KLRB1: variants seen among roughly 807,000 people sequenced by gnomAD.
The protein encoded by KLRB1 is killer cell lectin like receptor B1, also known as killer cell lectin-like receptor subfamily B member 1.
In KLRB1, 27 loss-of-function variants were observed where a neutral mutation model predicts 33.5. The observed-to-expected ratio is 0.81, with a 90% confidence interval of 0.59 to 1.11. The LOEUF is 1.11. KLRB1 is among the 50% of genes most tolerant of loss of function. The probability of loss-of-function intolerance (pLI) is 0.00; values close to 1 mark genes in which losing one functional copy is unlikely to be tolerated. For missense variants in KLRB1, 241 were observed against 254.1 expected, an observed-to-expected ratio of 0.95 and a Z score of 0.35; for synonymous variants, 64 against 88.9, an observed-to-expected ratio of 0.72 and a Z score of 1.58.
rs747037091 is a variant in KLRB1, at chr12:9,598,068, C to T, written c.508G>A (p.Gly170Ser). 40 of 1,545,780 alleles carry T rather than the reference C, an allele frequency of 2.6e-5. No individual in the cohort carries two copies. The highest frequency in any genetic ancestry group is 4.5e-5 in the East Asian group (2 of 44,172). ...CACTCATTAGAATTTAAAAAAGAGC[C>T]GTTTATCCACTTCCAGTTCTTTTCT... ...LSEKNWKWIN[G>S]SFLNSNDLEI... The change falls in exon 5 of 6, where the codon GGC (glycine) becomes AGC (serine). Residue 170 changes from glycine (G) to serine (S), a missense_variant. Physicochemically the swap from Gly to Ser is moderately conservative, Grantham distance 56 (BLOSUM62 0). Coordinates refer to ENST00000229402, the MANE Select transcript of KLRB1 (RefSeq NM_002258.3).
intron 1 of KLRB1, among the ~76,000 whole-genome samples, chr12:9,602,699 G>A (rs1864558456): frequency 6.6e-6 from 1 of 151,966 alleles, no homozygotes; most frequent in African/African-American, 2.4e-5. Context: ...TTTATCTGAA[G>A]CTATTGATTT....
At chr12:9,602,214 C>T (rs1311974067) in intron 1 of KLRB1, among the ~76,000 whole-genome samples, 2 of 152,208 alleles carry the variant, frequency 1.3e-5, no homozygotes, top group African/African-American at 4.8e-5. Context: ...TATAACATAA[C>T]ATGCGCTTAT....
intron 1 of KLRB1, among the ~76,000 whole-genome samples, chr12:9,607,388 C>CTTTCTTTCTTTCTTTCTTTCTTTCTTTT: frequency 1.2e-5 from 1 of 86,798 alleles, no homozygotes; most frequent in Non-Finnish European, 2.5e-5. Context: ...TTCTTTCTTT[C>CTTTCTTTCTTTCTTTCTTTCTTTCTTTT]TTTCTTTCTT....
chr12:9,604,595 T>C (rs757208362), intron 1 of KLRB1, among the ~76,000 whole-genome samples: 1 of 152,160 alleles, frequency 6.6e-6, no homozygotes, highest in Non-Finnish European at 1.5e-5. Flanking sequence ...TTTGCACTTG[T>C]TGGTCACCTT....
chr12:9,603,337 C>T (rs1191036687), intron 1 of KLRB1, among the ~76,000 whole-genome samples: 3 of 152,194 alleles, frequency 2.0e-5, no homozygotes, highest in Non-Finnish European at 4.4e-5. Flanking sequence ...CTCTTCTCTT[C>T]CCCACCGTTT....
chr12:9,606,014 TA>T (rs57043528), intron 1 of KLRB1, among the ~76,000 whole-genome samples: 2 of 151,286 alleles, frequency 1.3e-5, no homozygotes, highest in East Asian at 1.9e-4. Flanking sequence ...CTCTTTTCTT[TA>T]AAAAAAAATG....
chr12:9,605,682 G>A (rs796545537), intron 1 of KLRB1, among the ~76,000 whole-genome samples: 2 of 152,142 alleles, frequency 1.3e-5, no homozygotes, highest in South Asian at 2.1e-4. Context: ...CACAATCACC[G>A]TGCTTGCTAC....
At chr12:9,606,754 ATATATATTTT>A (rs1864609007) in intron 1 of KLRB1, among the ~76,000 whole-genome samples, 2 of 25,418 alleles carry the variant, frequency 7.9e-5, no homozygotes, top group African/African-American at 1.4e-4. Flanking sequence ...ATATATATAT[ATATATATTTT>A]TTTTTTTTTT....
At chr12:9,607,335 C>CTTCCTTCGTTTCTTTCTTT (rs1491505010) in intron 1 of KLRB1, among the ~76,000 whole-genome samples, 2 of 65,170 alleles carry the variant, frequency 3.1e-5, no homozygotes, top group African/African-American at 4.2e-5. Flanking sequence ...CTCTTTCTTT[C>CTTCCTTCGTTTCTTTCTTT]CTTTCTTTCT....
At chr12:9,607,284 T>C (rs1240772670) in intron 1 of KLRB1, among the ~76,000 whole-genome samples, 57 of 122,698 alleles carry the variant, frequency 4.6e-4, no homozygotes, top group Non-Finnish European at 8.7e-4. Flanking sequence ...TTCTCTCTCT[T>C]TCTTTTTCTT....
chr12:9,607,247 C>CTCTTT lies in KLRB1; in HGVS notation c.85+507_85+508insAAAGA, dbSNP rs1565444387. On this transcript the variant is annotated intron_variant, in intron 1 of 5. Transcript: ENST00000229402. The stretch of plus-strand genomic sequence containing the variant: ...TCCTTCCATCCTTCCTTCCTTCCTC[C>CTCTTT]TTCTCTTTTTCTTTCTTTCCTTTCC... Among the ~76,000 whole-genome samples, 21 of 23,432 alleles carry CTCTTT rather than the reference C, an allele frequency of 9.0e-4. 1 individual carries two copies. The East Asian group carries it at 0.023, about 25-fold the overall frequency. The allele number at this position is 23,432 out of a possible 152,430, so 15.4% of individuals were successfully genotyped here.
intron 1 of KLRB1, among the ~76,000 whole-genome samples, chr12:9,607,396 C>CTTTCT (rs1864630470): frequency 4.3e-5 from 4 of 93,846 alleles, no homozygotes; most frequent in African/African-American, 1.5e-4. Context: ...TTCTTTCTTT[C>CTTTCT]TTTCTTTCTT....
chr12:9,606,972 G>T (rs1018301739), intron 1 of KLRB1, among the ~76,000 whole-genome samples: 1 of 151,244 alleles, frequency 6.6e-6, no homozygotes, highest in Admixed American at 6.6e-5. Flanking sequence ...GCCCAGGCTG[G>T]CCTTAAACTC....
Position 9,606,758 on chromosome 12 carries a change from A to ATTTTTTTTTT in KLRB1, c.85+996_85+997insAAAAAAAAAA, listed in dbSNP as rs1285915836. Among the ~76,000 whole-genome samples, 71 of 65,892 alleles carry ATTTTTTTTTT rather than the reference A, an allele frequency of 1.1e-3. 5 individuals carry two copies. Among genetic ancestry groups the ATTTTTTTTTT allele is most frequent in the South Asian group, 1.7e-3 (4 of 2,416 alleles). The allele number at this position is 65,892 out of a possible 152,430, so 43.2% of individuals were successfully genotyped here. On this transcript the variant is annotated intron_variant, in intron 1 of 5. Coordinates refer to ENST00000229402, the MANE Select transcript of KLRB1 (RefSeq NM_002258.3). Reference sequence around the variant, plus strand: ...AGTATATATATATATATATATATATATATTTTTTTTTTTTTTTTGAGATAG... The same window carrying ATTTTTTTTTT: ...AGTATATATATATATATATATATATATTTTTTTTTTTATTTTTTTTTTTTTTTTGAGATAG...
chr12:9,602,274 C>G (rs1864554319), intron 1 of KLRB1, among the ~76,000 whole-genome samples: 1 of 152,180 alleles, frequency 6.6e-6, no homozygotes, highest in Admixed American at 6.5e-5. Context: ...CTCTGCTTTT[C>G]TCTGTAATCA....
intron 5 of KLRB1, among the ~76,000 whole-genome samples, chr12:9,597,252 C>T (rs185602785): frequency 6.6e-6 from 1 of 152,172 alleles, no homozygotes; most frequent in East Asian, 1.9e-4. Flanking sequence ...TTTACAGACT[C>T]ATTAAATATA....
chr12:9,596,583 G>C (rs1000730690), intron 5 of KLRB1, among the ~76,000 whole-genome samples: 1 of 152,142 alleles, frequency 6.6e-6, no homozygotes, highest in South Asian at 2.1e-4. Context: ...CTACTATAAC[G>C]TGATACCTTC....
chr12:9,606,881 C>T (rs766877847), intron 1 of KLRB1, among the ~76,000 whole-genome samples: 20 of 150,436 alleles, frequency 1.3e-4, no homozygotes, highest in Admixed American at 1.1e-3. Flanking sequence ...CTCAGCCTCC[C>T]GAGTAGCTAG....
intron 1 of KLRB1, among the ~76,000 whole-genome samples, chr12:9,601,927 A>G (rs998627432): frequency 6.6e-6 from 1 of 152,244 alleles, no homozygotes; most frequent in Non-Finnish European, 1.5e-5. Flanking sequence ...TACAAAAATT[A>G]AGTGCATGTC....
Sources: allele counts gnomAD v4.1 joint callset (sites outside exome capture counted in the v4.1 genomes callset), GRCh38; gene constraint gnomAD v4.1.1; transcripts MANE v1.5; gene names NCBI Gene and HGNC (gene_info 2026-07-23, HGNC 2026-07-21).